Variants in BMX observed in about 807,000 individuals in gnomAD.
The protein encoded by BMX is cytoplasmic tyrosine-protein kinase BMX.
BMX carries 31 observed loss-of-function variants against 59.2 expected under a neutral mutation model. The ratio of observed to expected loss-of-function variants is 0.52; its 90% CI spans 0.39 to 0.71. The LOEUF (loss-of-function observed/expected upper bound fraction) is 0.71, where lower values mean the gene tolerates loss of function less well. BMX is among the 30% of genes least tolerant of loss of function. BMX has a pLI of 0.00. For missense variants in BMX, 474 were observed against 491.7 expected, an observed-to-expected ratio of 0.96 and a Z score of 0.34; for synonymous variants, 185 against 181.0, an observed-to-expected ratio of 1.02 and a Z score of -0.18.
Position 15,516,188 on chromosome X carries a change from G to A in BMX, c.402G>A (p.Gln134=), listed in dbSNP as rs772127966. The change falls in exon 5 of 19, where the codon CAG becomes CAA. Residue 134 remains glutamine (Q), a synonymous_variant. Coordinates refer to ENST00000348343, the MANE Select transcript of BMX (RefSeq NM_203281.3). ...TGGACGGGAAGTTCCTGTGTTGCCA[G>A]CAGAGCTGTAAAGCAGCCCCAGGAT... ...FFVDGKFLCC[Q]QSCKAAPGCT... 1 of 1,211,089 alleles carries A rather than the reference G, an allele frequency of 8.3e-7. No homozygotes were observed. Among genetic ancestry groups the A allele is most frequent in the Non-Finnish European group, 1.1e-6 (1 of 894,999 alleles).
At chrX:15,515,640 T>C (rs1299028864) in intron 4 of BMX, among the ~76,000 whole-genome samples, 1 of 112,183 alleles carries the variant, frequency 8.9e-6, no homozygotes, top group African/African-American at 3.2e-5. Flanking sequence ...TGTATTAATC[T>C]TATTCTTGCA....
chrX:15,527,281 T>TAC (rs1215452618), intron 9 of BMX, among the ~76,000 whole-genome samples: 1 of 54,417 alleles, frequency 1.8e-5, no homozygotes, highest in Non-Finnish European at 3.2e-5. Flanking sequence ...TATATATATA[T>TAC]ATACACACAC....
chrX:15,512,495 G>A (rs1602328201), intron 4 of BMX, among the ~76,000 whole-genome samples: 2 of 111,498 alleles, frequency 1.8e-5, no homozygotes, highest in East Asian at 5.6e-4. Context: ...TGCATAAAAA[G>A]GTTTAGCAAC....
At chrX:15,541,049 A>C (rs1391567275) in intron 14 of BMX, among the ~76,000 whole-genome samples, 1 of 110,739 alleles carries the variant, frequency 9.0e-6, no homozygotes, top group Admixed American at 9.7e-5. Flanking sequence ...ATGGAAAAAA[A>C]AAAAAAAAGA....
intron 18 of BMX, among the ~76,000 whole-genome samples, chrX:15,555,106 C>A (rs1268914160): frequency 9.3e-6 from 1 of 107,358 alleles, no homozygotes; most frequent in Non-Finnish European, 1.9e-5. Context: ...CAAACTCATT[C>A]ATATTTTTGA....
chrX:15,540,546 A>G (rs762869766), intron 14 of BMX, among the ~76,000 whole-genome samples: 2 of 110,135 alleles, frequency 1.8e-5, no homozygotes, highest in Non-Finnish European at 3.8e-5. Flanking sequence ...CGTTCTGCAC[A>G]TGTATCCCAG....
chrX:15,537,353 C>A lies in BMX; in HGVS notation c.1394+48C>A, dbSNP rs753705780. On this transcript the variant is annotated intron_variant, in intron 14 of 18. Transcript: ENST00000348343. ...CTGTTTAGCCCTCATCATGGGAGGG[C>A]ATTAGCACTAATAGGCCTGCTGTTA... The A allele has an allele frequency of 2.5e-6, 3 of 1,180,591 alleles. No individual in the cohort carries two copies. In the African/African-American group the frequency reaches 5.3e-5, roughly 21 times the overall value.
chrX:15,533,294 C>T (rs1411629494), intron 11 of BMX, among the ~76,000 whole-genome samples: 1 of 111,770 alleles, frequency 8.9e-6, no homozygotes, highest in African/African-American at 3.3e-5. Flanking sequence ...CATCACCCAA[C>T]TACTAAGCCT....
chrX:15,556,048 T>C, intron 18 of BMX, 25 bp from the exon 19 acceptor site: 2 of 1,180,049 alleles, frequency 1.7e-6, no homozygotes, highest in African/African-American at 3.5e-5. Flanking sequence ...TCTAAAACAT[T>C]GGGTTTCTTG....
chrX:15,525,793 G>T (rs1924688757), intron 8 of BMX, among the ~76,000 whole-genome samples: 1 of 111,863 alleles, frequency 8.9e-6, no homozygotes, highest in African/African-American at 3.3e-5. Flanking sequence ...TTCTTCTGGG[G>T]GCCTCCTGGG....
Position 15,512,028 on chromosome X carries a change from A to G in BMX, c.325+510A>G, listed in dbSNP as rs150814865. ...TAATATTATTCTCCATTTTTCAGAC[A>G]AGTAAAGTTTTTAAAACATGGCCAC... On this transcript the variant is annotated intron_variant, in intron 4 of 18. Coordinates refer to ENST00000348343, the MANE Select transcript of BMX (RefSeq NM_203281.3). Among the ~76,000 whole-genome samples, 1,084 of 112,310 alleles carry G rather than the reference A, an allele frequency of 9.7e-3. 7 individuals are homozygous for G. The highest frequency in any genetic ancestry group is 0.032 in the African/African-American group (978 of 30,909).
rs1925722132 is a variant in BMX, at chrX:15,542,179, A to G, written c.1592A>G (p.Gln531Arg). Reference protein sequence around the residue: ...CEGMAFLESHQFIHRDLAARN... With the variant: ...CEGMAFLESHRFIHRDLAARN... ...GGCATGGCCTTCTTGGAGAGTCACC[A>G]ATTCATACACCGGGACTTGGTAAGC... is the stretch of plus-strand genomic sequence containing the variant. The change falls in exon 15 of 19, where the codon CAA becomes CGA. Residue 531 changes from glutamine (Q) to arginine (R), a missense_variant. By Grantham distance (43) the Gln-to-Arg change is conservative. Transcript: ENST00000348343. 8.3e-7 allele frequency: 1 copy of G among 1,211,001 alleles called. No homozygotes were observed. Among genetic ancestry groups the G allele is most frequent in the Non-Finnish European group, 1.1e-6 (1 of 894,937 alleles).
intron 1 of BMX, among the ~76,000 whole-genome samples, chrX:15,505,937 AT>A (rs1369241308): frequency 4.5e-5 from 5 of 110,249 alleles, no homozygotes; most frequent in Non-Finnish European, 7.6e-5. Context: ...ATTATTATTA[AT>A]TTTTTTTGGA....
chrX:15,531,513 T>A (rs1021778884), intron 11 of BMX, 106 bp downstream of exon 11: 1 of 690,853 alleles, frequency 1.4e-6, no homozygotes, highest in African/African-American at 2.2e-5. Context: ...AACTCTGGAA[T>A]TTTAAATCAA....
At chrX:15,510,372 C>T (rs1382686657) in intron 3 of BMX, among the ~76,000 whole-genome samples, 1 of 111,487 alleles carries the variant, frequency 9.0e-6, no homozygotes, top group Non-Finnish European at 1.9e-5. Flanking sequence ...CCCATACTTC[C>T]CATTTGGAAA....
intron 4 of BMX, among the ~76,000 whole-genome samples, chrX:15,515,556 G>A (rs1299664480): frequency 9.0e-6 from 1 of 111,487 alleles, no homozygotes; most frequent in African/African-American, 3.3e-5. Context: ...TATGTACAGA[G>A]AGAAAGAGAT....
intron 2 of BMX, 85 bp from the exon 3 acceptor site, chrX:15,509,244 C>T (rs781124544): frequency 1.5e-4 from 20 of 130,425 alleles, no homozygotes; most frequent in African/African-American, 1.0e-4. Flanking sequence ...CAATCTCCCT[C>T]TCAGGCATAA....
intron 13 of BMX, among the ~76,000 whole-genome samples, chrX:15,536,700 T>A (rs1363655778): frequency 9.0e-6 from 1 of 111,081 alleles, no homozygotes; most frequent in Non-Finnish European, 1.9e-5. Flanking sequence ...CTGTCCTATC[T>A]TTTTCCTGGA....
At chrX:15,551,653 GT>G (rs1166705084) in intron 18 of BMX, among the ~76,000 whole-genome samples, 6 of 110,505 alleles carry the variant, frequency 5.4e-5, no homozygotes, top group Non-Finnish European at 1.1e-4. Context: ...GGAGCCTAGA[GT>G]CCCACTTTGG....
Sources: gnomAD v4.1 joint callset for allele counts (sites outside exome capture counted in the v4.1 genomes callset) on GRCh38, gnomAD v4.1.1 for gene constraint, MANE v1.5 for transcripts, NCBI Gene and HGNC (gene_info 2026-07-23, HGNC 2026-07-21) for gene names.